Variants in EHHADH observed in about 807,000 individuals in gnomAD.
The protein encoded by EHHADH is enoyl-CoA hydratase and 3-hydroxyacyl CoA dehydrogenase, also known as peroxisomal bifunctional enzyme.
EHHADH carries 48 observed loss-of-function variants against 64.4 expected under a neutral mutation model. That is an observed-to-expected ratio of 0.75 (90% CI 0.59 to 0.95). EHHADH has a LOEUF of 0.95. Among genes scored for constraint, EHHADH ranks in the 40% least tolerant of loss-of-function variants. EHHADH has a pLI of 0.00. For synonymous variants in EHHADH, 308 were observed against 326.7 expected, an observed-to-expected ratio of 0.94 and a Z score of 0.62; for missense variants, 854 against 876.6, an observed-to-expected ratio of 0.97 and a Z score of 0.33.
chr3:185,213,060 C>T (rs1718587146), intron 5 of EHHADH, among the ~76,000 whole-genome samples: 1 of 125,552 alleles, frequency 8.0e-6, no homozygotes. Flanking sequence ...GCGGAGGTTG[C>T]AGCGAGCCAA....
intron 5 of EHHADH, among the ~76,000 whole-genome samples, chr3:185,207,981 G>A (rs1206305671): frequency 3.9e-5 from 6 of 152,140 alleles, no homozygotes; most frequent in East Asian, 1.9e-4. Flanking sequence ...AAAGATGCTC[G>A]ACATCATTAG....
chr3:185,224,560 T>G (rs1208096055), intron 4 of EHHADH, among the ~76,000 whole-genome samples: 4 of 151,498 alleles, frequency 2.6e-5, no homozygotes, highest in African/African-American at 9.7e-5. Context: ...AAAGCAGGAT[T>G]CTGAATATCG....
At chr3:185,224,226 G>A (rs561964096) in intron 4 of EHHADH, among the ~76,000 whole-genome samples, 135 of 151,832 alleles carry the variant, frequency 8.9e-4, no homozygotes, top group African/African-American at 3.1e-3. Flanking sequence ...TCGGCCGGGC[G>A]CAGTGGCTCA....
rs1560004462 is a variant in EHHADH, at chr3:185,193,217, G to A, written c.1181C>T (p.Ala394Val). 3 of 1,609,002 alleles carry A rather than the reference G, an allele frequency of 1.9e-6. No individual in the cohort carries two copies. The highest frequency in any genetic ancestry group is 2.2e-5 in the East Asian group (1 of 44,856). Residue 394 changes from alanine (A) to valine (V), a missense_variant, in exon 7 of 7, where the codon GCT becomes GTT. Physicochemically the swap from Ala to Val is moderately conservative, Grantham distance 64 (BLOSUM62 0). Coordinates refer to ENST00000231887, the MANE Select transcript of EHHADH (RefSeq NM_001966.4). ...EEMSLKKQVF[A>V]ELSAVCKPEA... is the part of the protein sequence containing the mutation. ...TGGTTTGCACACAGCTGAGAGTTCA[G>A]CAAAGACCTGCTTCTTCAGGCTCAT...
intron 2 of EHHADH, chr3:185,246,245 A>C (rs1365708336): frequency 1.1e-6 from 1 of 893,880 alleles, no homozygotes; most frequent in Non-Finnish European, 1.8e-6. Flanking sequence ...CTAGATCATC[A>C]GAAGCATCGT....
chr3:185,228,813 A>G (rs571505631), intron 4 of EHHADH, among the ~76,000 whole-genome samples: 1 of 152,064 alleles, frequency 6.6e-6, no homozygotes, highest in Non-Finnish European at 1.5e-5. Flanking sequence ...TTTATATTAC[A>G]ATTTTTTTTT....
At chr3:185,222,655 C>A (rs989936390) in intron 4 of EHHADH, among the ~76,000 whole-genome samples, 3 of 152,130 alleles carry the variant, frequency 2.0e-5, no homozygotes, top group Non-Finnish European at 2.9e-5. Context: ...ATATTACAGT[C>A]TCTGGAAAAT....
In EHHADH at chr3:185,214,900, G is replaced by A. The variant is rs2108635643; in HGVS notation, c.568+3236C>T. Among the ~76,000 whole-genome samples the A allele has an allele frequency of 1.3e-5, 2 of 152,240 alleles. 1 individual carries two copies. The highest frequency in any genetic ancestry group is 4.1e-4 in the South Asian group (2 of 4,830). On this transcript the variant is annotated intron_variant, in intron 5 of 6. Transcript: ENST00000231887. ...TGTATACAAATCTTTGTGTATTTAT[G>A]TGATTATTTCTCTATGGTAAATTCC... is the stretch of plus-strand genomic sequence containing the variant.
At chr3:185,235,252 C>A (rs1194547826) in intron 3 of EHHADH, 38 bp downstream of exon 3, 1 of 1,541,450 alleles carries the variant, frequency 6.5e-7, no homozygotes, top group Non-Finnish European at 8.7e-7. Flanking sequence ...AAAGAAAAGC[C>A]CCACACACCA....
intron 2 of EHHADH, chr3:185,246,313 C>A: frequency 2.6e-6 from 2 of 768,486 alleles, no homozygotes; most frequent in Non-Finnish European, 4.2e-6. Flanking sequence ...GGCTCTGGCT[C>A]CAGACTTTTG....
At position 185,220,799 on chromosome 3, in the gene EHHADH, C is replaced by T. The variant is rs565510641; in HGVS notation, c.464-2559G>A. Among the ~76,000 whole-genome samples, 6 of 152,318 alleles carry T rather than the reference C, an allele frequency of 3.9e-5. No homozygotes were observed. In the South Asian group the frequency reaches 6.2e-4, roughly 16 times the overall value. ...TGAGGTTGAGAGTTTCTTCTCCAACCTGAGTAATCTCAATTTTTTCCAATT... is the reference window on the plus strand; with the variant it reads ...TGAGGTTGAGAGTTTCTTCTCCAACTTGAGTAATCTCAATTTTTTCCAATT... On this transcript the variant is annotated intron_variant, in intron 4 of 6. Coordinates refer to ENST00000231887, the MANE Select transcript of EHHADH (RefSeq NM_001966.4).
At chr3:185,207,456 C>A (rs1718428152) in intron 5 of EHHADH, among the ~76,000 whole-genome samples, 1 of 152,122 alleles carries the variant, frequency 6.6e-6, no homozygotes, top group Non-Finnish European at 1.5e-5. Context: ...AAGGACTCGA[C>A]CTGTTGGCAC....
chr3:185,204,373 T>A, intron 6 of EHHADH, 43 bp downstream of exon 6: 2 of 1,526,698 alleles, frequency 1.3e-6, no homozygotes, highest in Non-Finnish European at 1.8e-6. Flanking sequence ...GCACATTACA[T>A]GAGCAGATTT....
chr3:185,246,258 T>G (rs1350813263), intron 2 of EHHADH: 1 of 869,972 alleles, frequency 1.1e-6, no homozygotes, highest in Non-Finnish European at 1.8e-6. Context: ...AGCATCGTTT[T>G]TCCTACTGTC....
chr3:185,218,278 G>T, intron 4 of EHHADH, 38 bp from the exon 5 acceptor site: 1 of 1,480,852 alleles, frequency 6.8e-7, no homozygotes, highest in South Asian at 1.2e-5. Context: ...ACAAATCAAA[G>T]AGCGATGTAA....
intron 6 of EHHADH, among the ~76,000 whole-genome samples, chr3:185,194,701 G>A (rs186421711): frequency 5.4e-5 from 8 of 147,106 alleles, no homozygotes; most frequent in African/African-American, 2.0e-4. Flanking sequence ...TTGGGAAGCT[G>A]AAGCAGGAGG....
intron 1 of EHHADH, among the ~76,000 whole-genome samples, chr3:185,251,606 A>G (rs1222963349): frequency 2.8e-5 from 2 of 71,778 alleles, no homozygotes; most frequent in Admixed American, 2.8e-4. Context: ...GAAAAAATTT[A>G]TATGTGTGTG....
At chr3:185,223,849 G>T (rs1718899586) in intron 4 of EHHADH, among the ~76,000 whole-genome samples, 1 of 152,230 alleles carries the variant, frequency 6.6e-6, no homozygotes, top group Non-Finnish European at 1.5e-5. Context: ...AAAACAGAAA[G>T]AGGAGCAGGA....
intron 6 of EHHADH, among the ~76,000 whole-genome samples, chr3:185,198,666 T>C (rs1242887259): frequency 6.6e-6 from 1 of 151,906 alleles, no homozygotes; most frequent in Admixed American, 6.6e-5. Context: ...CTGGCCAACA[T>C]GGCAAAACCC....
Sources: gnomAD v4.1 joint callset for allele counts (sites outside exome capture counted in the v4.1 genomes callset) on GRCh38, gnomAD v4.1.1 for gene constraint, MANE v1.5 for transcripts, NCBI Gene and HGNC (gene_info 2026-07-23, HGNC 2026-07-21) for gene names.